DENND4A: variants seen among roughly 807,000 people sequenced by gnomAD.
DENND4A encodes DENN domain containing 4A, also known as C-myc promoter-binding protein.
DENND4A carries 70 observed loss-of-function variants against 199.3 expected under a neutral mutation model. That is an observed-to-expected ratio of 0.35 (90% CI 0.29 to 0.43). The LOEUF (loss-of-function observed/expected upper bound fraction) is 0.43, where lower values mean the gene tolerates loss of function less well. Ranked by LOEUF, DENND4A falls within the 20% of genes least tolerant of loss-of-function variation. The probability of loss-of-function intolerance (pLI) is 1.00; values close to 1 mark genes in which losing one functional copy is unlikely to be tolerated. For synonymous variants in DENND4A, 686 were observed against 766.9 expected (o/e 0.89, Z 1.74); for missense variants, 1,723 against 2,255.8 (o/e 0.76, Z 4.78).
At chr15:65,670,514 A>C (rs767920519) in intron 25 of DENND4A, among the ~76,000 whole-genome samples, 1 of 152,218 alleles carries the variant, frequency 6.6e-6, no homozygotes, top group Non-Finnish European at 1.5e-5. Context: ...TTGTAATTAC[A>C]TATTACAAAT....
intron 20 of DENND4A, among the ~76,000 whole-genome samples, chr15:65,698,039 C>G (rs2077210621): frequency 1.3e-5 from 2 of 151,878 alleles, no homozygotes; most frequent in Non-Finnish European, 2.9e-5. Context: ...ATCACTTGAG[C>G]CCAGGAGTTT....
intron 15 of DENND4A, among the ~76,000 whole-genome samples, chr15:65,705,612 T>C (rs966952364): frequency 6.6e-6 from 1 of 152,152 alleles, no homozygotes; most frequent in Non-Finnish European, 1.5e-5. Context: ...TTCCATGACT[T>C]AAAACTCATG....
Position 65,732,806 on chromosome 15 carries a change from A to T in DENND4A, c.1053T>A (p.His351Gln), listed in dbSNP as rs780699140. The change falls in exon 8 of 33, where the codon CAT becomes CAA. Residue 351 changes from histidine (H) to glutamine (Q), a missense_variant. Physicochemically the swap from His to Gln is conservative, Grantham distance 24. Around this residue, in one of 6 missense-constraint regions of DENND4A, gnomAD observed 725 missense variants for 952.9 expected, o/e 0.76. Coordinates refer to ENST00000443035, the MANE Select transcript of DENND4A (RefSeq NM_001320835.1). ...HVLPIEKHISHFMHKVPFPSP... is the reference protein window; with the variant it reads ...HVLPIEKHISQFMHKVPFPSP... ...ATGGAAAAGGAACTTTATGCATAAAATGAGAAATATGCCTTGAAAACAAAC... is the reference window on the plus strand; with the variant it reads ...ATGGAAAAGGAACTTTATGCATAAATTGAGAAATATGCCTTGAAAACAAAC... The T allele has an allele frequency of 1.3e-6, 2 of 1,593,710 alleles. No homozygotes were observed. The highest frequency in any genetic ancestry group is 1.7e-6 in the Non-Finnish European group (2 of 1,163,094).
intron 28 of DENND4A, 97 bp downstream of exon 28, chr15:65,667,828 G>A: frequency 1.3e-6 from 2 of 1,485,764 alleles, no homozygotes; most frequent in Non-Finnish European, 1.8e-6. Flanking sequence ...GACTCTTCTT[G>A]GCAATAATAA....
chr15:65,738,748 A>C lies in DENND4A; in HGVS notation c.759T>G (p.Pro253=). The part of the protein sequence containing the change: ...CWPSNSKYPL[P]VFSTFVLTGA... ...CAGTTAAAACAAAAGTAGAAAATAC[A>C]GGCAGAGGGTATTTGCTATTTGATG... The change falls in exon 6 of 33, where the codon CCT becomes CCG. Residue 253 remains proline (P), a synonymous_variant. Transcript: ENST00000443035. 6.2e-7 allele frequency: 1 copy of C among 1,611,658 alleles called. No homozygotes were observed. The highest frequency in any genetic ancestry group is 8.5e-7 in the Non-Finnish European group (1 of 1,178,842).
At chr15:65,685,627 G>A (rs1412347959) in intron 23 of DENND4A, among the ~76,000 whole-genome samples, 2 of 152,188 alleles carry the variant, frequency 1.3e-5, no homozygotes, top group Non-Finnish European at 2.9e-5. Context: ...CAATGTAAAT[G>A]CTATGTAAAT....
At position 65,700,902 on chromosome 15, in the gene DENND4A, G is replaced by A. The variant is rs2074846143; in HGVS notation, c.2701+149C>T. 8 of 974,988 alleles carry A rather than the reference G, an allele frequency of 8.2e-6. No individual in the cohort carries two copies. The African/African-American group carries it at 1.0e-4, about 12-fold the overall frequency. 60.4% of individuals were successfully genotyped at this position (974,988 alleles called of 1,614,324 possible). A position where few individuals can be genotyped will look rare whatever the true frequency, so the allele number is the denominator to read the frequency against. ...ATTTAAACAGAAGTGAAATCTGGTG[G>A]TTTTTAAATGGGAAGAGTAATATAA... On this transcript the variant is annotated intron_variant, in intron 19 of 32. Coordinates refer to ENST00000443035, the MANE Select transcript of DENND4A (RefSeq NM_001320835.1).
rs200443198 is a variant in DENND4A, at chr15:65,691,019, C to G, written c.3575G>C (p.Arg1192Pro). The G allele has an allele frequency of 1.2e-6, 2 of 1,611,438 alleles. No individual in the cohort carries two copies. The highest frequency in any genetic ancestry group is 1.1e-5 in the South Asian group (1 of 90,766). The change falls in exon 23 of 33, where the codon CGT (arginine) becomes CCT (proline). Residue 1192 changes from arginine (R) to proline (P), a missense_variant. By Grantham distance (103) the Arg-to-Pro change is moderately radical (BLOSUM62 -2). This residue lies in a region of DENND4A where 650 missense variants were observed against 738.1 expected (regional missense o/e 0.88). Transcript: ENST00000443035. ...VATQNPKRIQ[R>P]MNSSFSVKPF... ...TTTTACTGAAAAGCTGCTGTTCATA[C>G]GTTGAATCCTCTTGGGATTTTGTGT...
rs150178486 is a variant in DENND4A, at chr15:65,734,938, C to G, written c.1041-2120G>C. Among the ~76,000 whole-genome samples, 361 of 152,094 alleles carry G rather than the reference C, an allele frequency of 2.4e-3. 3 individuals carry two copies. The highest frequency in any genetic ancestry group is 8.2e-3 in the African/African-American group (340 of 41,494). ...CTCTACAAAAAATACAAAAATTAGCCAGGCATGGTGGCATGTGCCTGCAGT... is the reference window on the plus strand; with the variant it reads ...CTCTACAAAAAATACAAAAATTAGCGAGGCATGGTGGCATGTGCCTGCAGT... On this transcript the variant is annotated intron_variant, in intron 7 of 32. Transcript: ENST00000443035.
rs2076092497 is a variant in DENND4A at position 65,667,866 on chromosome 15, G to T, written c.4986+59C>A. 3 of 1,555,916 alleles carry T rather than the reference G, an allele frequency of 1.9e-6. 1 individual carries two copies. Among genetic ancestry groups the T allele is most frequent in the Non-Finnish European group, 2.6e-6 (3 of 1,154,874 alleles). On this transcript the variant is annotated intron_variant, in intron 28 of 32. Coordinates refer to ENST00000443035, the MANE Select transcript of DENND4A (RefSeq NM_001320835.1). Reference sequence around the variant, plus strand: ...CTAATAAGACTACTTAAGACAAGGGGAACAAAATCATACGTAAGTGATCAA... The same window carrying T: ...CTAATAAGACTACTTAAGACAAGGGTAACAAAATCATACGTAAGTGATCAA...
intron 1 of DENND4A, among the ~76,000 whole-genome samples, chr15:65,774,912 C>T (rs2077239700): frequency 7.0e-6 from 1 of 142,632 alleles, no homozygotes; most frequent in Non-Finnish European, 1.5e-5. Flanking sequence ...CACTCTGTTA[C>T]CCAGGCTGGA....
In DENND4A at chr15:65,773,002, CAAAAAAAAAAAA is replaced by C. The variant is rs61241995; in HGVS notation, c.-101-11576_-101-11565del. Among the ~76,000 whole-genome samples, 245 of 102,162 alleles carry C rather than the reference CAAAAAAAAAAAA, an allele frequency of 2.4e-3. 1 individual carries two copies. The highest frequency in any genetic ancestry group is 8.6e-3 in the African/African-American group (235 of 27,424). 67.0% of individuals were successfully genotyped at this position (102,162 alleles called of 152,430 possible). On this transcript the variant is annotated intron_variant, in intron 1 of 32. Coordinates refer to ENST00000443035, the MANE Select transcript of DENND4A (RefSeq NM_001320835.1). Reference sequence around the variant, plus strand: ...GAAATCAATTTCTATTGTTTCTAAGCAAAAAAAAAAAAAAAAAAAAAAAAAATCATTCTTAGA... The same window carrying C: ...GAAATCAATTTCTATTGTTTCTAAGCAAAAAAAAAAAAAATCATTCTTAGA...
intron 2 of DENND4A, among the ~76,000 whole-genome samples, chr15:65,757,519 A>G (rs536063764): frequency 6.6e-6 from 1 of 152,282 alleles, no homozygotes; most frequent in Admixed American, 6.5e-5. Context: ...AGTGGTTTTA[A>G]AAGACCTATC....
chr15:65,661,897 G>A lies in DENND4A; in HGVS notation c.5678C>T (p.Thr1893Ile), dbSNP rs750575447. 2 of 1,612,678 alleles carry A rather than the reference G, an allele frequency of 1.2e-6. No homozygotes were observed. The highest frequency in any genetic ancestry group is 1.1e-5 in the South Asian group (1 of 90,730). Residue 1893 changes from threonine to isoleucine, a missense_variant, in exon 33 of 33, where the codon ACA (threonine) becomes ATA (isoleucine). Thr to Ile is a moderately conservative substitution (Grantham distance 89). Coordinates refer to ENST00000443035, the MANE Select transcript of DENND4A (RefSeq NM_001320835.1). Reference sequence around the variant, plus strand: ...GGTTTTTCGACATTCCATCACCCCTGTACTTGGTGGTCTATCACAGTTGTG... The same window carrying A: ...GGTTTTTCGACATTCCATCACCCCTATACTTGGTGGTCTATCACAGTTGTG... ...STHNCDRPPS[T>I]GVMECRKTFG...
chr15:65,786,880 C>T (rs1473393337), intron 1 of DENND4A, among the ~76,000 whole-genome samples: 1 of 152,010 alleles, frequency 6.6e-6, no homozygotes. Context: ...AAATTCATTA[C>T]AACAATTTCC....
chr15:65,702,586 T>A, intron 16 of DENND4A, 75 bp from the exon 17 acceptor site: 1 of 1,205,230 alleles, frequency 8.3e-7, no homozygotes, highest in South Asian at 1.4e-5. Flanking sequence ...GCTAAACAAG[T>A]ACAAGTCACA....
chr15:65,672,179 G>A (rs926099405), intron 24 of DENND4A, among the ~76,000 whole-genome samples: 6 of 152,136 alleles, frequency 3.9e-5, no homozygotes, highest in Admixed American at 2.6e-4. Context: ...AAACATTCTA[G>A]TCATTAGTAA....
intron 2 of DENND4A, among the ~76,000 whole-genome samples, chr15:65,757,896 G>A (rs112528384): frequency 1.3e-5 from 2 of 152,070 alleles, no homozygotes; most frequent in South Asian, 4.1e-4. Context: ...CAGGAGAATC[G>A]CTTGAACCCA....
intron 23 of DENND4A, among the ~76,000 whole-genome samples, chr15:65,678,659 C>T (rs1566994172): frequency 6.6e-6 from 1 of 152,162 alleles, no homozygotes; most frequent in African/African-American, 2.4e-5. Context: ...ATGAGAATAT[C>T]AAGTTTTATT....
Sources: allele counts gnomAD v4.1 joint callset (sites outside exome capture counted in the v4.1 genomes callset), GRCh38; gene constraint gnomAD v4.1.1; regional missense constraint gnomAD v4.1.1; transcripts MANE v1.5; gene names NCBI Gene and HGNC (gene_info 2026-07-23, HGNC 2026-07-21).